Variants in PRKAR1A observed in about 807,000 individuals in gnomAD.
PRKAR1A encodes the protein protein kinase cAMP-dependent type I regulatory subunit alpha.
A neutral mutation model predicts 52.0 loss-of-function variants in PRKAR1A; 3 were observed. That is an observed-to-expected ratio of 0.06 (90% CI 0.03 to 0.15). PRKAR1A has a LOEUF of 0.15. Ranked by LOEUF, PRKAR1A falls within the 10% of genes least tolerant of loss-of-function variation. PRKAR1A has a pLI of 1.00. For synonymous variants in PRKAR1A, 188 were observed against 168.4 expected, an observed-to-expected ratio of 1.12 and a Z score of -0.90; for missense variants, 240 against 477.4, an observed-to-expected ratio of 0.50 and a Z score of 4.63.
chr17:68,467,951 G>A, the PRKAR1A span, among the ~76,000 whole-genome samples: 2 of 152,244 alleles, frequency 1.3e-5, no homozygotes, highest in Admixed American at 6.5e-5. Context: ...CTGGAGTGCA[G>A]TGGTGCCATC....
At chr17:68,480,982 A>G in the PRKAR1A span, among the ~76,000 whole-genome samples, 2 of 152,210 alleles carry the variant, frequency 1.3e-5, no homozygotes, top group African/African-American at 2.4e-5. Context: ...CTTCATCTCT[A>G]TGTCTACATA....
the PRKAR1A span, among the ~76,000 whole-genome samples, chr17:68,499,318 ATTC>A: frequency 1.3e-5 from 2 of 150,876 alleles, no homozygotes; most frequent in Non-Finnish European, 2.9e-5. Context: ...ATTCTTCCTC[ATTC>A]TTCTTATATC....
the PRKAR1A span, chr17:68,420,629 C>T: frequency 6.5e-5 from 52 of 801,030 alleles, no homozygotes; most frequent in South Asian, 8.3e-4. Flanking sequence ...TCCTCCACGC[C>T]GACCCGAGAG....
chr17:68,455,133 G>A, the PRKAR1A span, among the ~76,000 whole-genome samples: 1 of 152,084 alleles, frequency 6.6e-6, no homozygotes, highest in Admixed American at 6.5e-5. Context: ...AGGCTGAGGT[G>A]GGTGGATCAC....
the PRKAR1A span, among the ~76,000 whole-genome samples, chr17:68,446,724 C>G: frequency 6.6e-6 from 1 of 152,202 alleles, no homozygotes; most frequent in East Asian, 1.9e-4. Flanking sequence ...GCCCCACACC[C>G]AATCCCTGGG....
At chr17:68,510,192 A>AGAGAGAGAGAGAGAGAGAGATC (rs2085246142), upstream of PRKAR1A, among the ~76,000 whole-genome samples, 1 of 151,512 alleles carries the variant, frequency 6.6e-6, no homozygotes, top group Non-Finnish European at 1.5e-5. Context: ...AGAGAGAGAG[A>AGAGAGAGAGAGAGAGAGAGATC]GAGATCTATC....
chr17:68,430,643 C>A, the PRKAR1A span, among the ~76,000 whole-genome samples: 4 of 152,178 alleles, frequency 2.6e-5, no homozygotes, highest in Non-Finnish European at 5.9e-5. Flanking sequence ...TTGTAGATAA[C>A]CCTGGAGTCA....
chr17:68,449,613 T>C, the PRKAR1A span, among the ~76,000 whole-genome samples: 3 of 152,174 alleles, frequency 2.0e-5, no homozygotes, highest in Non-Finnish European at 4.4e-5. Context: ...TAGTGGGTAG[T>C]ACCCCCCACC....
At chr17:68,447,025 C>T in the PRKAR1A span, among the ~76,000 whole-genome samples, 1 of 152,198 alleles carries the variant, frequency 6.6e-6, no homozygotes, top group Non-Finnish European at 1.5e-5. Flanking sequence ...TTTCAGCCCC[C>T]GCAGAACCAT....
At chr17:68,496,121 A>C in the PRKAR1A span, among the ~76,000 whole-genome samples, 1 of 128,586 alleles carries the variant, frequency 7.8e-6, no homozygotes, top group African/African-American at 3.1e-5. Flanking sequence ...GGCTCACTGC[A>C]ACCTCCGCCT....
chr17:68,450,877 T>G, the PRKAR1A span: 2 of 1,613,134 alleles, frequency 1.2e-6, no homozygotes, highest in Non-Finnish European at 1.7e-6. Flanking sequence ...CGCTCCACGA[T>G]GTAGACGTCC....
At position 68,532,587 on chromosome 17, in the gene PRKAR1A, G is replaced by A. The variant is rs1056897542; in HGVS notation, c.*2138G>A. The A allele has an allele frequency of 9.4e-7, 1 of 1,066,168 alleles. No individual in the cohort carries two copies. The allele number at this position is 1,066,168 out of a possible 1,614,324, so 66.0% of individuals were successfully genotyped here. A position where few individuals can be genotyped will look rare whatever the true frequency, so the allele number is the denominator to read the frequency against. On this transcript the variant is annotated 3_prime_UTR_variant, in exon 11 of 11. Transcript: ENST00000589228. Reference sequence around the variant, plus strand: ...AGGCTTTAAAAGTCATTATTCCTGGGCTTGGTAAGTGAATTTATGAGATTT... The same window carrying A: ...AGGCTTTAAAAGTCATTATTCCTGGACTTGGTAAGTGAATTTATGAGATTT...
the PRKAR1A span, chr17:68,444,360 T>A: frequency 1.3e-6 from 1 of 767,644 alleles, no homozygotes; most frequent in East Asian, 2.7e-5. Context: ...AAGACAAAGC[T>A]TCGAGATAAA....
chr17:68,427,129 A>T, the PRKAR1A span: 6 of 1,612,214 alleles, frequency 3.7e-6, no homozygotes, highest in Middle Eastern at 1.7e-4. Context: ...CCCCGTGTCC[A>T]CCCACCTGGC....
the PRKAR1A span, chr17:68,428,751 G>T: frequency 8.8e-7 from 1 of 1,137,910 alleles, no homozygotes; most frequent in Non-Finnish European, 1.3e-6. Context: ...GGGCACTGAA[G>T]CTTGTCGTTC....
chr17:68,541,031 C>A, intron 11 of PRKAR1A: 1 of 1,545,746 alleles, frequency 6.5e-7, no homozygotes, highest in Non-Finnish European at 8.7e-7. Context: ...CCACACCTCC[C>A]CCTGCCCCCC....
chr17:68,532,445 A>G lies in PRKAR1A; in HGVS notation c.*1996A>G. 1 of 1,060,886 alleles carries G rather than the reference A, an allele frequency of 9.4e-7. No individual in the cohort carries two copies. The highest frequency in any genetic ancestry group is 4.6e-5 in the South Asian group (1 of 21,884). The allele number at this position is 1,060,886 out of a possible 1,614,324, so 65.7% of individuals were successfully genotyped here. Reference sequence around the variant, plus strand: ...TTACTCCCTTCTGTAGTTTTTAATTAAAAACTTTAAAGATAAGTCTACATT... The same window carrying G: ...TTACTCCCTTCTGTAGTTTTTAATTGAAAACTTTAAAGATAAGTCTACATT... On this transcript the variant is annotated 3_prime_UTR_variant, in exon 11 of 11. Coordinates refer to ENST00000589228, the MANE Select transcript of PRKAR1A (RefSeq NM_002734.5).
At chr17:68,519,366 C>G (rs989226259) in intron 2 of PRKAR1A, among the ~76,000 whole-genome samples, 1 of 152,184 alleles carries the variant, frequency 6.6e-6, no homozygotes, top group African/African-American at 2.4e-5. Context: ...CAAACACATT[C>G]TTCTTCACAT....
chr17:68,550,939 C>A (rs952701289), intron 11 of PRKAR1A: 15 of 579,622 alleles, frequency 2.6e-5, no homozygotes, highest in Non-Finnish European at 3.3e-5. Context: ...GAACCATCTA[C>A]TGGGGCTCTC....
Sources: allele counts gnomAD v4.1 joint callset (sites outside exome capture counted in the v4.1 genomes callset), GRCh38; gene constraint gnomAD v4.1.1; transcripts MANE v1.5; gene names NCBI Gene and HGNC (gene_info 2026-07-23, HGNC 2026-07-21).